RNF20: variants seen among roughly 807,000 people sequenced by gnomAD.
RNF20 encodes E3 ubiquitin-protein ligase BRE1A.
Under a neutral mutation model 126.2 loss-of-function variants are expected in RNF20, and 84 were observed. The observed-to-expected ratio is 0.67, with a 90% CI of 0.56 to 0.80. RNF20 has a LOEUF of 0.80. RNF20 is among the 30% of genes least tolerant of loss of function. The probability of loss-of-function intolerance (pLI) is 0.00; values close to 1 mark genes in which losing one functional copy is unlikely to be tolerated. For missense variants in RNF20, 869 were observed against 1,188.2 expected (o/e 0.73, Z 3.95); for synonymous variants, 400 against 414.3 (o/e 0.97, Z 0.42).
intron 9 of RNF20, among the ~76,000 whole-genome samples, chr9:101,548,281 A>C (rs572314529): frequency 6.6e-6 from 1 of 152,334 alleles, no homozygotes; most frequent in East Asian, 1.9e-4. Context: ...GATCTAAAAA[A>C]GTCAAAATCT....
At chr9:101,536,082 G>GCTAA (rs1280940290) in intron 2 of RNF20, among the ~76,000 whole-genome samples, 1 of 152,180 alleles carries the variant, frequency 6.6e-6, no homozygotes, top group Non-Finnish European at 1.5e-5. Context: ...CCTGTTAAGG[G>GCTAA]CTAACACTTT....
chr9:101,535,266 A>G, intron 1 of RNF20, 132 bp from the exon 2 acceptor site: 2 of 518,542 alleles, frequency 3.9e-6, no homozygotes, highest in Non-Finnish European at 3.2e-6. Flanking sequence ...AGAAATATGG[A>G]GATGGTTGTG....
chr9:101,554,930 T>G, intron 15 of RNF20, 87 bp downstream of exon 15: 1 of 1,089,806 alleles, frequency 9.2e-7, no homozygotes, highest in South Asian at 3.3e-5. Context: ...CTTTTTTATT[T>G]TGGTCTTTTT....
chr9:101,535,042 G>A (rs1053615191), intron 1 of RNF20, among the ~76,000 whole-genome samples: 1 of 151,680 alleles, frequency 6.6e-6, no homozygotes, highest in African/African-American at 2.4e-5. Flanking sequence ...CGAGTAGCTG[G>A]GACTACCGGC....
At chr9:101,541,109 C>A in intron 5 of RNF20, 134 bp downstream of exon 5, 1 of 604,212 alleles carries the variant, frequency 1.7e-6, no homozygotes, top group Non-Finnish European at 2.5e-6. Flanking sequence ...GATAAGGTTT[C>A]ACTGTGTCAC....
chr9:101,560,864 A>C lies in RNF20; in HGVS notation c.2446A>C (p.Ile816Leu), dbSNP rs753956279. 1 of 1,613,718 alleles carries C rather than the reference A, an allele frequency of 6.2e-7. No homozygotes were observed. Among genetic ancestry groups the C allele is most frequent in the South Asian group, 1.1e-5 (1 of 91,074 alleles). Residue 816 changes from isoleucine (I) to leucine (L), a missense_variant, in exon 17 of 20, where the codon ATT becomes CTT. Ile to Leu is a conservative substitution (Grantham distance 5, BLOSUM62 2). Around this residue, in one of 8 missense-constraint regions of RNF20, gnomAD observed 150 missense variants for 173.7 expected, o/e 0.86. Transcript: ENST00000389120. ...EEKEHLLQSNIGTGEKELGLR... is the reference protein window; with the variant it reads ...EEKEHLLQSNLGTGEKELGLR... ...GAAGGAGCATCTGTTACAGAGCAAC[A>C]TTGGCACAGGGGAGAAAGAGCTGGG...
At chr9:101,546,673 ATTTCATTTTTGT>A in intron 6 of RNF20, 135 bp from the exon 7 acceptor site, 1 of 730,226 alleles carries the variant, frequency 1.4e-6, no homozygotes, top group Non-Finnish European at 2.2e-6. Context: ...GGAATCCGTG[ATTTCATTTTTGT>A]AATCATGCAT....
Position 101,552,657 on chromosome 9 carries a change from AAGAG to A in RNF20, c.1811_1814del (p.Arg604IlefsTer25), listed in dbSNP as rs754087500. 9 of 1,524,448 alleles carry A rather than the reference AAGAG, an allele frequency of 5.9e-6. No individual in the cohort carries two copies. Among genetic ancestry groups the A allele is most frequent in the South Asian group, 1.1e-5 (1 of 89,258 alleles). 94.4% of individuals were successfully genotyped at this position (1,524,448 alleles called of 1,614,324 possible). A position where few individuals can be genotyped will look rare whatever the true frequency, so the allele number is the denominator to read the frequency against. The stretch of plus-strand genomic sequence containing the variant: ...AAGCAGAAGCTAAAAGAGTCAGAAA[AAGAG>A]AGAGATTCTGCTAAGGATAAAGAGA... On this transcript the variant is annotated frameshift_variant, in exon 13 of 20. Transcript: ENST00000389120. LOFTEE classifies it high-confidence loss of function.
At position 101,562,427 on chromosome 9, in the gene RNF20, A is replaced by G; in HGVS notation, c.*5A>G. On this transcript the variant is annotated 3_prime_UTR_variant, in exon 20 of 20. Coordinates refer to ENST00000389120, the MANE Select transcript of RNF20 (RefSeq NM_019592.7). ...CATCGCATCTACATTGGTTGATCTAAGTCAAGAGAAGAAGAGGAGCTGGCT... is the reference window on the plus strand; with the variant it reads ...CATCGCATCTACATTGGTTGATCTAGGTCAAGAGAAGAAGAGGAGCTGGCT... 7 of 1,609,814 alleles carry G rather than the reference A, an allele frequency of 4.3e-6. No individual in the cohort carries two copies. Among genetic ancestry groups the G allele is most frequent in the Non-Finnish European group, 5.9e-6 (7 of 1,178,008 alleles).
intron 2 of RNF20, among the ~76,000 whole-genome samples, chr9:101,539,904 A>G (rs1265608396): frequency 1.1e-4 from 16 of 151,630 alleles, no homozygotes; most frequent in Non-Finnish European, 1.5e-5. Flanking sequence ...ATTGGAGTCG[A>G]GGGTGATCTA....
Position 101,552,126 on chromosome 9 carries a change from G to A in RNF20, c.1409-15G>A, listed in dbSNP as rs777846111. ...TACCACGGTTCCTCATAACATTGTT[G>A]TTCCTGTATTTAAGGCCCTATAAAC... On this transcript the variant is annotated splice_polypyrimidine_tract_variant and intron_variant, in intron 11 of 19. Transcript: ENST00000389120. The A allele has an allele frequency of 1.2e-6, 2 of 1,613,934 alleles. No individual in the cohort carries two copies. Among genetic ancestry groups the A allele is most frequent in the East Asian group, 4.5e-5 (2 of 44,864 alleles).
At chr9:101,562,087 A>G (rs2118749008) in intron 19 of RNF20, 76 bp downstream of exon 19, 2 of 1,318,524 alleles carry the variant, frequency 1.5e-6, no homozygotes, top group East Asian at 2.3e-5. Context: ...AATAATTTGC[A>G]TGATAGTAAC....
Position 101,562,430 on chromosome 9 carries a change from C to T in RNF20, c.*8C>T. The T allele has an allele frequency of 3.7e-6, 6 of 1,609,108 alleles. No homozygotes were observed. Among genetic ancestry groups the T allele is most frequent in the Non-Finnish European group, 5.1e-6 (6 of 1,177,658 alleles). On this transcript the variant is annotated 3_prime_UTR_variant, in exon 20 of 20. Coordinates refer to ENST00000389120, the MANE Select transcript of RNF20 (RefSeq NM_019592.7). ...CGCATCTACATTGGTTGATCTAAGT[C>T]AAGAGAAGAAGAGGAGCTGGCTAGT...
At chr9:101,559,313 G>A (rs1162958596) in intron 16 of RNF20, among the ~76,000 whole-genome samples, 1 of 151,998 alleles carries the variant, frequency 6.6e-6, no homozygotes, top group East Asian at 1.9e-4. Context: ...TATAGTATAG[G>A]TTGAAGTCAG....
intron 13 of RNF20, 23 bp downstream of exon 13, chr9:101,552,776 C>T (rs1317215139): frequency 6.4e-7 from 1 of 1,567,836 alleles, no homozygotes; most frequent in Non-Finnish European, 8.6e-7. Context: ...TTTAGAGTAA[C>T]AGTTTCGACT....
intron 15 of RNF20, among the ~76,000 whole-genome samples, chr9:101,556,666 A>G (rs574440861): frequency 6.6e-6 from 1 of 152,324 alleles, no homozygotes; most frequent in African/African-American, 2.4e-5. Flanking sequence ...TGAACAAAAA[A>G]TTGATAATTT....
chr9:101,535,153 C>T (rs1827162707), intron 1 of RNF20, among the ~76,000 whole-genome samples: 2 of 151,910 alleles, frequency 1.3e-5, no homozygotes, highest in African/African-American at 2.4e-5. Context: ...TTGATCCGCC[C>T]GCCTCGGCCT....
chr9:101,544,733 G>C (rs376183827), intron 5 of RNF20, 34 bp from the exon 6 acceptor site: 14 of 1,343,200 alleles, frequency 1.0e-5, no homozygotes, highest in Non-Finnish European at 1.5e-5. Context: ...TGACACTCTA[G>C]ATGCTAAATT....
chr9:101,553,963 C>A (rs776313384), intron 13 of RNF20, 25 bp from the exon 14 acceptor site: 1 of 1,309,396 alleles, frequency 7.6e-7, no homozygotes, highest in Non-Finnish European at 1.1e-6. Flanking sequence ...ACATTGTTCC[C>A]CTCCCTCTAC....
Sources: gnomAD v4.1 joint callset for allele counts (sites outside exome capture counted in the v4.1 genomes callset) on GRCh38, gnomAD v4.1.1 for gene constraint, gnomAD v4.1.1 regional missense constraint, MANE v1.5 for transcripts, NCBI Gene and HGNC (gene_info 2026-07-23, HGNC 2026-07-21) for gene names.